Variants in CBFB observed in about 807,000 individuals in gnomAD.
The protein encoded by CBFB is CBF-beta.
CBFB carries 9 observed loss-of-function variants against 30.4 expected under a neutral mutation model. That is an observed-to-expected ratio of 0.30 (90% CI 0.18 to 0.52). The LOEUF is 0.52. CBFB is among the 20% of genes least tolerant of loss of function. The pLI is 0.97. For missense variants in CBFB, 170 were observed against 244.0 expected (o/e 0.70, Z 2.02); for synonymous variants, 94 against 84.0 (o/e 1.12, Z -0.65).
At chr16:67,063,290 G>C (rs1960960982) in intron 3 of CBFB, among the ~76,000 whole-genome samples, 1 of 152,116 alleles carries the variant, frequency 6.6e-6, no homozygotes, top group South Asian at 2.1e-4. Flanking sequence ...GGTCCAAATA[G>C]GAGGAGAAAT....
At chr16:67,076,605 A>T (rs1961404344) in intron 4 of CBFB, among the ~76,000 whole-genome samples, 1 of 152,222 alleles carries the variant, frequency 6.6e-6, no homozygotes, top group Admixed American at 6.5e-5. Flanking sequence ...CTCTAGGAAC[A>T]GGAGGGAAAC....
At chr16:67,070,910 T>C (rs1358094821) in intron 4 of CBFB, among the ~76,000 whole-genome samples, 1 of 152,168 alleles carries the variant, frequency 6.6e-6, no homozygotes, top group Non-Finnish European at 1.5e-5. Context: ...TTAAAATTTT[T>C]AACATTTTTT....
intron 5 of CBFB, among the ~76,000 whole-genome samples, chr16:67,096,915 G>A (rs1962064054): frequency 1.4e-5 from 2 of 139,196 alleles, no homozygotes; most frequent in African/African-American, 5.4e-5. Flanking sequence ...GCACTCCAGC[G>A]ACTCCGTCTC....
At chr16:67,091,184 C>T (rs149473519) in intron 5 of CBFB, among the ~76,000 whole-genome samples, 8 of 152,280 alleles carry the variant, frequency 5.3e-5, no homozygotes, top group African/African-American at 1.9e-4. Context: ...CCCCCACTAC[C>T]AGAGGAAGAG....
At chr16:67,063,974 T>G (rs542347359) in intron 3 of CBFB, among the ~76,000 whole-genome samples, 12 of 152,292 alleles carry the variant, frequency 7.9e-5, no homozygotes, top group African/African-American at 2.9e-4. Context: ...TAATGCCAGA[T>G]TTTAGCTCAC....
At chr16:67,079,652 C>G (rs1291169478) in intron 4 of CBFB, among the ~76,000 whole-genome samples, 1 of 151,076 alleles carries the variant, frequency 6.6e-6, no homozygotes, top group Non-Finnish European at 1.5e-5. Flanking sequence ...AGCACTGCAT[C>G]AGTTCCTAAG....
intron 3 of CBFB, among the ~76,000 whole-genome samples, chr16:67,056,216 C>A (rs1390113415): frequency 6.6e-6 from 1 of 152,098 alleles, no homozygotes; most frequent in African/African-American, 2.4e-5. Context: ...TCTAGTATTC[C>A]TTAAATGCAA....
intron 5 of CBFB, among the ~76,000 whole-genome samples, chr16:67,086,845 G>A (rs1961744710): frequency 6.6e-6 from 1 of 152,126 alleles, no homozygotes; most frequent in Non-Finnish European, 1.5e-5. Context: ...TCATTGCAGT[G>A]TACTTTAGCA....
At chr16:67,063,714 G>C (rs929196213) in intron 3 of CBFB, among the ~76,000 whole-genome samples, 1 of 152,170 alleles carries the variant, frequency 6.6e-6, no homozygotes, top group African/African-American at 2.4e-5. Flanking sequence ...TTACAGGCAT[G>C]AGCTGCTGCG....
At chr16:67,087,857 G>A (rs942440455) in intron 5 of CBFB, among the ~76,000 whole-genome samples, 1 of 152,160 alleles carries the variant, frequency 6.6e-6, no homozygotes, top group Non-Finnish European at 1.5e-5. Flanking sequence ...AAAGCACTTA[G>A]TATGATGCTT....
intron 2 of CBFB, 80 bp from the exon 3 acceptor site, chr16:67,036,559 T>C (rs1597122595): frequency 3.7e-6 from 3 of 808,382 alleles, no homozygotes; most frequent in East Asian, 4.9e-5. Flanking sequence ...AGACATAAAC[T>C]GATGTAAAAA....
In CBFB at chr16:67,029,416, C is replaced by A; in HGVS notation, c.9C>A (p.Arg3=). 1 of 1,566,772 alleles carries A rather than the reference C, an allele frequency of 6.4e-7. No individual in the cohort carries two copies. The highest frequency in any genetic ancestry group is 2.5e-5 in the East Asian group (1 of 39,624). Residue 3 remains arginine, a synonymous_variant, in exon 1 of 6, where the codon CGC becomes CGA. Transcript: ENST00000412916. MP[R]VVPDQRSKFE... ...GGCCTCAGGGCGGGAAGATGCCGCG[C>A]GTCGTGCCCGACCAGAGAAGCAAGT...
chr16:67,038,610 A>G (rs968173868), intron 3 of CBFB, among the ~76,000 whole-genome samples: 2 of 152,138 alleles, frequency 1.3e-5, no homozygotes, highest in African/African-American at 4.8e-5. Flanking sequence ...GGTAATTCTT[A>G]CACAATATAT....
intron 3 of CBFB, among the ~76,000 whole-genome samples, chr16:67,043,103 C>T (rs923379018): frequency 3.9e-5 from 6 of 152,166 alleles, no homozygotes; most frequent in African/African-American, 1.4e-4. Flanking sequence ...ATTTGAGTCA[C>T]TTGTTGCTTA....
chr16:67,063,873 G>A (rs553627757), intron 3 of CBFB, among the ~76,000 whole-genome samples: 6 of 152,200 alleles, frequency 3.9e-5, no homozygotes, highest in African/African-American at 1.4e-4. Context: ...AGAGACTACT[G>A]AAATGAGTTT....
intron 5 of CBFB, among the ~76,000 whole-genome samples, chr16:67,088,664 G>T (rs1214806099): frequency 1.3e-5 from 2 of 152,208 alleles, no homozygotes; most frequent in East Asian, 1.9e-4. Context: ...GTTCTAGTGG[G>T]TGGTCCTGAT....
At chr16:67,029,911 CG>C in intron 2 of CBFB, 98 bp downstream of exon 2, 1 of 720,714 alleles carries the variant, frequency 1.4e-6, no homozygotes, top group Non-Finnish European at 2.1e-6. Flanking sequence ...CTGCGGCTCC[CG>C]GAACTGAGTG....
At chr16:67,045,855 ATGTAATCT>A (rs1407994079) in intron 3 of CBFB, among the ~76,000 whole-genome samples, 22 of 134,036 alleles carry the variant, frequency 1.6e-4, no homozygotes, top group African/African-American at 6.4e-4. Context: ...GAGTGCAGTG[ATGTAATCT>A]TGGCTCACTG....
intron 5 of CBFB, among the ~76,000 whole-genome samples, chr16:67,094,706 T>C (rs1961990138): frequency 6.6e-6 from 1 of 152,200 alleles, no homozygotes; most frequent in East Asian, 1.9e-4. Flanking sequence ...TATATCACCA[T>C]CTCTGATTTT....
Sources: gnomAD v4.1 joint callset for allele counts (sites outside exome capture counted in the v4.1 genomes callset) on GRCh38, gnomAD v4.1.1 for gene constraint, MANE v1.5 for transcripts, NCBI Gene and HGNC (gene_info 2026-07-23, HGNC 2026-07-21) for gene names.